The following FAF1 variants were observed in gnomAD, a reference collection of about 807,000 sequenced individuals.
FAF1 encodes the protein FAS-associated factor 1.
In FAF1, 25 loss-of-function variants were observed where a neutral mutation model predicts 92.5. The ratio of observed to expected loss-of-function variants is 0.27; its 90% CI spans 0.20 to 0.38. FAF1 has a LOEUF of 0.38. Ranked by LOEUF, FAF1 falls within the 10% of genes least tolerant of loss-of-function variation. The pLI is 1.00. For synonymous variants in FAF1, 234 were observed against 273.2 expected (o/e 0.86, Z 1.42); for missense variants, 636 against 793.3 (o/e 0.80, Z 2.38).
At chr1:50,886,061 T>C (rs1570099979) in intron 1 of FAF1, among the ~76,000 whole-genome samples, 1 of 152,322 alleles carries the variant, frequency 6.6e-6, no homozygotes, top group African/African-American at 2.4e-5. Flanking sequence ...AAAGTTGTTG[T>C]AGTTATTTTT....
intron 1 of FAF1, among the ~76,000 whole-genome samples, chr1:50,934,510 C>T (rs919302030): frequency 2.6e-5 from 4 of 152,054 alleles, no homozygotes; most frequent in Admixed American, 2.6e-4. Context: ...ATCACTTGAG[C>T]CCAGAAGTTT....
intron 8 of FAF1, among the ~76,000 whole-genome samples, chr1:50,628,832 G>C (rs1653627050): frequency 6.6e-6 from 1 of 152,186 alleles, no homozygotes; most frequent in Non-Finnish European, 1.5e-5. Context: ...GAACACAGAT[G>C]ACAGGTTTTC....
chr1:50,921,236 ACCTG>A (rs1644960669), intron 1 of FAF1, among the ~76,000 whole-genome samples: 1 of 152,140 alleles, frequency 6.6e-6, no homozygotes, highest in African/African-American at 2.4e-5. Context: ...GACCTGCCCC[ACCTG>A]CAGTAGCCAA....
chr1:50,833,483 T>A lies in FAF1; in HGVS notation c.114+24446A>T, dbSNP rs1252736106. ...CTCAGCACCTCACTGCATTCACCAA[T>A]CTGGAAGCTCTCCAAATCCTGTTGT... On this transcript the variant is annotated intron_variant, in intron 2 of 18. Transcript: ENST00000396153. 4.6e-5 allele frequency among the ~76,000 whole-genome samples: 7 copies of A among 152,126 alleles called. No individual in the cohort carries two copies. The East Asian group carries it at 1.4e-3, about 29-fold the overall frequency.
intron 8 of FAF1, among the ~76,000 whole-genome samples, chr1:50,629,773 A>T (rs1653676737): frequency 1.3e-5 from 2 of 152,144 alleles, no homozygotes; most frequent in South Asian, 4.2e-4. Context: ...GATAAAACAT[A>T]TAAGGCCAGG....
chr1:50,843,657 AT>A (rs1406931597), intron 2 of FAF1, among the ~76,000 whole-genome samples: 1 of 151,930 alleles, frequency 6.6e-6, no homozygotes, highest in East Asian at 1.9e-4. Context: ...CTGATGTTTT[AT>A]TTAACATAAT....
At chr1:50,602,622 C>A (rs1208356501) in intron 8 of FAF1, among the ~76,000 whole-genome samples, 2 of 151,730 alleles carry the variant, frequency 1.3e-5, no homozygotes, top group Non-Finnish European at 2.9e-5. Flanking sequence ...CCTGCCTCAG[C>A]CTCCTGAGTA....
intron 6 of FAF1, among the ~76,000 whole-genome samples, chr1:50,717,027 G>C (rs576927452): frequency 6.6e-6 from 1 of 152,172 alleles, no homozygotes; most frequent in Non-Finnish European, 1.5e-5. Flanking sequence ...CCAGAAGGAA[G>C]AAATTCCGTA....
rs1391146892 is a variant in FAF1, at chr1:50,464,406, C to T, written c.1869+11058G>A. On this transcript the variant is annotated intron_variant, in intron 18 of 18. Transcript: ENST00000396153. ...TGTGGTTATGTGACTTGCCCAAGGC[C>T]CCCCTAATAGTTGGTTCTTTGTGTT... 3.3e-5 allele frequency among the ~76,000 whole-genome samples: 5 copies of T among 152,198 alleles called. No homozygotes were observed. The South Asian group carries it at 8.3e-4, about 25-fold the overall frequency.
At chr1:50,819,846 A>G (rs1464094400) in intron 2 of FAF1, among the ~76,000 whole-genome samples, 1 of 142,690 alleles carries the variant, frequency 7.0e-6, no homozygotes, top group Non-Finnish European at 1.5e-5. Flanking sequence ...ATTGTATATC[A>G]GCTTCAGCAC....
chr1:50,580,995 GAACTCCT>G (rs1297650924), intron 12 of FAF1, among the ~76,000 whole-genome samples: 1 of 152,142 alleles, frequency 6.6e-6, no homozygotes, highest in Non-Finnish European at 1.5e-5. Flanking sequence ...GGCTGATCTT[GAACTCCT>G]GAGCTCAAGT....
At chr1:50,698,694 CT>C (rs1657335759) in intron 7 of FAF1, among the ~76,000 whole-genome samples, 1 of 152,042 alleles carries the variant, frequency 6.6e-6, no homozygotes, top group Admixed American at 6.6e-5. Flanking sequence ...GTATATTTTG[CT>C]GGTGGAAGGT....
chr1:50,637,715 G>GTGTGTGCA (rs1557448546), intron 8 of FAF1, among the ~76,000 whole-genome samples: 53 of 150,786 alleles, frequency 3.5e-4, no homozygotes, highest in Non-Finnish European at 6.8e-4. Flanking sequence ...GTGTGTGTGC[G>GTGTGTGCA]TGTGCATATG....
intron 8 of FAF1, among the ~76,000 whole-genome samples, chr1:50,630,224 G>T (rs1455816445): frequency 5.3e-5 from 8 of 152,064 alleles, no homozygotes; most frequent in African/African-American, 9.7e-5. Flanking sequence ...TGGTTCCCTG[G>T]AGTCAAGTCA....
chr1:50,870,631 T>C (rs913933193), intron 1 of FAF1, among the ~76,000 whole-genome samples: 14 of 152,220 alleles, frequency 9.2e-5, no homozygotes, highest in African/African-American at 3.4e-4. Flanking sequence ...TGGTAATCTA[T>C]GATCTTTGAT....
At chr1:50,563,055 G>A (rs952955256) in intron 13 of FAF1, among the ~76,000 whole-genome samples, 2 of 152,134 alleles carry the variant, frequency 1.3e-5, no homozygotes, top group African/African-American at 4.8e-5. Context: ...GTAGATGGGA[G>A]GATGTGCATG....
intron 6 of FAF1, among the ~76,000 whole-genome samples, chr1:50,728,399 A>T (rs1025001442): frequency 2.6e-5 from 4 of 152,204 alleles, no homozygotes; most frequent in South Asian, 4.1e-4. Context: ...GGACAGCGAT[A>T]AAAGACGAAG....
chr1:50,695,917 G>A (rs1351117528), intron 7 of FAF1, among the ~76,000 whole-genome samples: 1 of 150,616 alleles, frequency 6.6e-6, no homozygotes, highest in Non-Finnish European at 1.5e-5. Context: ...CCAAAGTACT[G>A]GGATTACAGG....
intron 2 of FAF1, among the ~76,000 whole-genome samples, chr1:50,808,513 C>T (rs770485967): frequency 1.1e-4 from 16 of 152,084 alleles, no homozygotes; most frequent in Admixed American, 5.9e-4. Flanking sequence ...TCAAGAGACC[C>T]ATCACACATA....
Sources: gnomAD v4.1 joint callset for allele counts (sites outside exome capture counted in the v4.1 genomes callset) on GRCh38, gnomAD v4.1.1 for gene constraint, MANE v1.5 for transcripts, NCBI Gene and HGNC (gene_info 2026-07-23, HGNC 2026-07-21) for gene names.